Variants in ZFPM1 observed in about 807,000 individuals in gnomAD.
ZFPM1 encodes zinc finger protein ZFPM1.
Under a neutral mutation model 46.3 loss-of-function variants are expected in ZFPM1, and 28 were observed. That is an observed-to-expected ratio of 0.60 (90% confidence interval 0.45 to 0.83). The LOEUF (loss-of-function observed/expected upper bound fraction) is 0.83, where lower values mean the gene tolerates loss of function less well. ZFPM1 is among the 40% of genes least tolerant of loss of function. The pLI, the probability that ZFPM1 is intolerant of heterozygous loss-of-function variation, is 0.00. For missense variants in ZFPM1, 1,878 were observed against 1,432.4 expected (o/e 1.31, Z -5.02); for synonymous variants, 957 against 675.9 (o/e 1.42, Z -6.45).
At chr16:88,529,502 T>C (rs1912614587) in intron 6 of ZFPM1, among the ~76,000 whole-genome samples, 1 of 152,188 alleles carries the variant, frequency 6.6e-6, no homozygotes, top group Non-Finnish European at 1.5e-5. Flanking sequence ...AGACCCCCAC[T>C]CTTTGAGTGT....
chr16:88,523,114 G>A (rs1486671573), intron 4 of ZFPM1, among the ~76,000 whole-genome samples: 5 of 151,784 alleles, frequency 3.3e-5, no homozygotes, highest in Admixed American at 1.3e-4. Context: ...GCTGAGGCAG[G>A]AGAATTGCTT....
chr16:88,532,523 A>T, intron 7 of ZFPM1, 91 bp from the exon 8 acceptor site: 4 of 1,350,450 alleles, frequency 3.0e-6, no homozygotes, highest in Non-Finnish European at 4.1e-6. Flanking sequence ...CCCGGCACAG[A>T]TCACGGCCCT....
At chr16:88,524,429 G>A (rs1258535197) in intron 4 of ZFPM1, among the ~76,000 whole-genome samples, 7 of 152,182 alleles carry the variant, frequency 4.6e-5, no homozygotes, top group African/African-American at 1.2e-4. Context: ...CCTGCTCTGC[G>A]GCCCTGGGAA....
intron 3 of ZFPM1, among the ~76,000 whole-genome samples, chr16:88,494,701 G>A (rs79537416): frequency 0.033 from 4,953 of 152,254 alleles, 280 homozygotes; most frequent in African/African-American, 0.11. Context: ...GGCGGGCGTG[G>A]ACAGGCAGGA....
At chr16:88,485,542 C>T (rs1273795635) in intron 1 of ZFPM1, among the ~76,000 whole-genome samples, 3 of 151,710 alleles carry the variant, frequency 2.0e-5, no homozygotes, top group Non-Finnish European at 2.9e-5. Flanking sequence ...CAGTCTCAAG[C>T]GATCCTCCCA....
In ZFPM1 at chr16:88,502,880, T is replaced by C. The variant is rs180806397; in HGVS notation, c.269-11507T>C. On this transcript the variant is annotated intron_variant, in intron 3 of 9. Coordinates refer to ENST00000319555, the MANE Select transcript of ZFPM1 (RefSeq NM_153813.3). ...GGCCACGTGGATGCCCGTTTGTGGG[T>C]CTCTGCACACACGGTGGCCGGACGG... is the stretch of plus-strand genomic sequence containing the variant. Among the ~76,000 whole-genome samples, 1,247 of 128,596 alleles carry C rather than the reference T, an allele frequency of 9.7e-3. 14 individuals carry two copies. The highest frequency in any genetic ancestry group is 0.04 in the African/African-American group (1,187 of 29,898). The allele number at this position is 128,596 out of a possible 152,430, so 84.4% of individuals were successfully genotyped here.
At chr16:88,465,080 CT>C in intron 1 of ZFPM1, among the ~76,000 whole-genome samples, 1 of 152,148 alleles carries the variant, frequency 6.6e-6, no homozygotes, top group African/African-American at 2.4e-5. Flanking sequence ...GGTGGGAGCC[CT>C]TGGCCGTTTC....
intron 1 of ZFPM1, among the ~76,000 whole-genome samples, chr16:88,463,937 C>T (rs1001277438): frequency 1.2e-4 from 19 of 152,198 alleles, no homozygotes; most frequent in African/African-American, 2.7e-4. Flanking sequence ...ATCAGAGCCA[C>T]GGCTAGACCT....
At chr16:88,478,933 G>A (rs569880052) in intron 1 of ZFPM1, among the ~76,000 whole-genome samples, 2 of 152,328 alleles carry the variant, frequency 1.3e-5, no homozygotes, top group East Asian at 1.9e-4. Context: ...TGGTGGCTCC[G>A]GGCCACACCG....
chr16:88,533,968 T>C lies in ZFPM1; in HGVS notation c.2010T>C (p.Gly670=), dbSNP rs1597292271. 1 of 1,314,626 alleles carries C rather than the reference T, an allele frequency of 7.6e-7. No individual in the cohort carries two copies. Among genetic ancestry groups the C allele is most frequent in the South Asian group, 1.3e-5 (1 of 77,920 alleles). 81.4% of individuals were successfully genotyped at this position (1,314,626 alleles called of 1,614,324 possible). The part of the protein sequence containing the change: ...GRGSEGSQSP[G]SSVDDAEDDP... ...GCAGCGAGGGCAGCCAGAGCCCGGG[T>C]AGCTCCGTGGACGACGCGGAGGACG... The change falls in exon 10 of 10, where the codon GGT becomes GGC. Residue 670 remains glycine, a synonymous_variant. Transcript: ENST00000319555.
intron 4 of ZFPM1, among the ~76,000 whole-genome samples, chr16:88,519,448 G>C (rs932170733): frequency 2.7e-5 from 4 of 150,266 alleles, no homozygotes; most frequent in South Asian, 4.3e-4. Flanking sequence ...TAGATGCATG[G>C]TGGATGGATA....
In ZFPM1 at chr16:88,533,470, G is replaced by T. The variant is rs1483225451; in HGVS notation, c.1512G>T (p.Leu504=). ...SPAPARVKAE[L]SSPTPGSSPV... is the part of the protein sequence containing the mutation. ...CCCCGGCCAGGGTCAAGGCCGAGCT[G>T]TCCAGCCCCACGCCGGGCTCCAGCC... Residue 504 remains leucine (L), a synonymous_variant, in exon 10 of 10, where the codon CTG becomes CTT. Transcript: ENST00000319555. 3.5e-6 allele frequency: 5 copies of T among 1,415,280 alleles called. No individual in the cohort carries two copies. The highest frequency in any genetic ancestry group is 4.6e-6 in the Non-Finnish European group (5 of 1,092,552). 87.7% of individuals were successfully genotyped at this position (1,415,280 alleles called of 1,614,324 possible). A position where few individuals can be genotyped will look rare whatever the true frequency, so the allele number is the denominator to read the frequency against.
At chr16:88,495,023 A>T (rs1311255589) in intron 3 of ZFPM1, among the ~76,000 whole-genome samples, 1 of 152,236 alleles carries the variant, frequency 6.6e-6, no homozygotes, top group Non-Finnish European at 1.5e-5. Context: ...TAATCCCTGC[A>T]CGCGCTCGGG....
In ZFPM1 at chr16:88,506,262, A is replaced by AG. The variant is rs373134333; in HGVS notation, c.269-8120dup. ...GGTAGGGTTGGGGGGCACCAGGGTCAGGGGGCAGGGAGACCAGGGCAGGGG... is the reference window on the plus strand; with the variant it reads ...GGTAGGGTTGGGGGGCACCAGGGTCAGGGGGGCAGGGAGACCAGGGCAGGGG... On this transcript the variant is annotated intron_variant, in intron 3 of 9. Coordinates refer to ENST00000319555, the MANE Select transcript of ZFPM1 (RefSeq NM_153813.3). 4.6e-4 allele frequency among the ~76,000 whole-genome samples: 16 copies of AG among 34,714 alleles called. 1 individual carries two copies. The highest frequency in any genetic ancestry group is 2.4e-3 in the African/African-American group (16 of 6,782). 22.8% of individuals were successfully genotyped at this position (34,714 alleles called of 152,430 possible).
chr16:88,494,960 C>G (rs1264660633), intron 3 of ZFPM1, among the ~76,000 whole-genome samples: 1 of 152,192 alleles, frequency 6.6e-6, no homozygotes, highest in African/African-American at 2.4e-5. Context: ...CCTTGTTTGC[C>G]GGAGGGGCGG....
intron 3 of ZFPM1, among the ~76,000 whole-genome samples, chr16:88,511,895 A>G (rs1234255051): frequency 1.3e-5 from 2 of 152,148 alleles, no homozygotes; most frequent in East Asian, 1.9e-4. Flanking sequence ...ACCCTGGTCC[A>G]GGGAGATGGG....
At chr16:88,489,912 CGT>C (rs1909462006) in intron 3 of ZFPM1, among the ~76,000 whole-genome samples, 1 of 141,770 alleles carries the variant, frequency 7.1e-6, no homozygotes, top group Non-Finnish European at 1.5e-5. Context: ...TGGCCAAGGC[CGT>C]CATGGGAGCT....
intron 3 of ZFPM1, among the ~76,000 whole-genome samples, chr16:88,500,243 A>G (rs1448644224): frequency 1.3e-5 from 2 of 151,984 alleles, no homozygotes; most frequent in Admixed American, 1.3e-4. Flanking sequence ...AGCCCCGGCT[A>G]CTGCCCAGAA....
intron 3 of ZFPM1, 111 bp downstream of exon 3, chr16:88,489,264 C>A (rs1458988874): frequency 1.4e-6 from 2 of 1,438,506 alleles, no homozygotes; most frequent in East Asian, 5.0e-5. Flanking sequence ...TGCTGGAGAC[C>A]CACCAGGCCC....
Sources: gnomAD v4.1 joint callset for allele counts (sites outside exome capture counted in the v4.1 genomes callset) on GRCh38, gnomAD v4.1.1 for gene constraint, MANE v1.5 for transcripts, NCBI Gene and HGNC (gene_info 2026-07-23, HGNC 2026-07-21) for gene names.